Variants in SYN3 observed in about 807,000 individuals in gnomAD.
SYN3 encodes synapsin III.
SYN3 carries 35 observed loss-of-function variants against 65.8 expected under a neutral mutation model. The ratio of observed to expected loss-of-function variants is 0.53; its 90% CI spans 0.41 to 0.70. SYN3 has a LOEUF of 0.70. SYN3 is among the 30% of genes least tolerant of loss of function. The probability of loss-of-function intolerance (pLI) is 0.00; values close to 1 mark genes in which losing one functional copy is unlikely to be tolerated. For synonymous variants in SYN3, 270 were observed against 292.9 expected, an observed-to-expected ratio of 0.92 and a Z score of 0.80; for missense variants, 680 against 749.0, an observed-to-expected ratio of 0.91 and a Z score of 1.08.
intron 6 of SYN3, among the ~76,000 whole-genome samples, chr22:32,652,429 A>G (rs953646743): frequency 9.4e-6 from 1 of 105,964 alleles, no homozygotes; most frequent in African/African-American, 3.3e-5. Flanking sequence ...AAGAAAACAA[A>G]GAAACAAAGT....
intron 7 of SYN3, among the ~76,000 whole-genome samples, chr22:32,553,883 G>A (rs1010755535): frequency 6.6e-6 from 1 of 152,124 alleles, no homozygotes; most frequent in Non-Finnish European, 1.5e-5. Context: ...GACTACAGTT[G>A]GGCTGTATGG....
chr22:32,604,611 AAAAG>A (rs2059340911), intron 6 of SYN3, among the ~76,000 whole-genome samples: 5 of 151,850 alleles, frequency 3.3e-5, no homozygotes, highest in Admixed American at 1.3e-4. Context: ...TCTGTCCCTG[AAAAG>A]CCCTCCCGGG....
chr22:32,786,579 G>A (rs1420828949), intron 6 of SYN3, among the ~76,000 whole-genome samples: 1 of 151,408 alleles, frequency 6.6e-6, no homozygotes, highest in Non-Finnish European at 1.5e-5. Flanking sequence ...AGCCAGGATG[G>A]TCTCGATCTC....
rs537786428 is a variant in SYN3 at position 32,874,232 on chromosome 22, T to C, written c.462-5107A>G. ...CCCCACTGAGCCCAAGACCTGGGTC[T>C]CTCGTGCCTGGGTAAGGTCTCCTTT... On this transcript the variant is annotated intron_variant, in intron 4 of 13. Coordinates refer to ENST00000358763, the MANE Select transcript of SYN3 (RefSeq NM_003490.4). Among the ~76,000 whole-genome samples the C allele has an allele frequency of 1.9e-4, 29 of 152,330 alleles. No individual in the cohort carries two copies. The South Asian group carries it at 5.8e-3, about 30-fold the overall frequency.
intron 6 of SYN3, among the ~76,000 whole-genome samples, chr22:32,783,740 T>C (rs1285041181): frequency 6.6e-6 from 1 of 152,306 alleles, no homozygotes; most frequent in East Asian, 1.9e-4. Context: ...AAACCCCTAA[T>C]CTACCACCTG....
intron 7 of SYN3, among the ~76,000 whole-genome samples, chr22:32,564,930 C>T (rs111916123): frequency 0.039 from 5,664 of 146,450 alleles, 256 homozygotes; most frequent in East Asian, 0.21. Flanking sequence ...ACAGTGCTCC[C>T]GGATTGTACC....
intron 13 of SYN3, among the ~76,000 whole-genome samples, chr22:32,516,551 AT>A (rs1377328568): frequency 6.6e-6 from 1 of 152,046 alleles, no homozygotes; most frequent in Non-Finnish European, 1.5e-5. Flanking sequence ...TTTAGTAGAG[AT>A]GGGGTTTCAC....
intron 6 of SYN3, among the ~76,000 whole-genome samples, chr22:32,774,943 C>T (rs1386728398): frequency 6.6e-6 from 1 of 152,202 alleles, no homozygotes; most frequent in Non-Finnish European, 1.5e-5. Flanking sequence ...TGCTGAGGGC[C>T]TCCGTGGAGC....
intron 6 of SYN3, among the ~76,000 whole-genome samples, chr22:32,725,948 C>T (rs998514927): frequency 6.6e-6 from 1 of 152,134 alleles, no homozygotes; most frequent in Non-Finnish European, 1.5e-5. Context: ...CGTAAAAGCT[C>T]CCCTGAGCAT....
intron 1 of SYN3, among the ~76,000 whole-genome samples, chr22:33,024,137 G>A (rs1378022228): frequency 6.6e-6 from 1 of 152,098 alleles, no homozygotes; most frequent in Non-Finnish European, 1.5e-5. Flanking sequence ...AGGTCTTGTT[G>A]TTTCTCAGAA....
chr22:32,629,169 G>A (rs2051568), intron 6 of SYN3, among the ~76,000 whole-genome samples: 29,269 of 152,116 alleles, frequency 0.19, 3,108 homozygotes, highest in Non-Finnish European at 0.2. Flanking sequence ...GGATTTGAGC[G>A]TGGGATCTGG....
chr22:32,726,436 C>T (rs550948267), intron 6 of SYN3, among the ~76,000 whole-genome samples: 256 of 152,340 alleles, frequency 1.7e-3, no homozygotes, highest in African/African-American at 5.0e-3. Context: ...CCACCACACT[C>T]GGCCCCAGTA....
At chr22:32,990,399 T>G (rs171356) in intron 2 of SYN3, among the ~76,000 whole-genome samples, 111 of 130,756 alleles carry the variant, frequency 8.5e-4, no homozygotes, top group Middle Eastern at 3.6e-3. Flanking sequence ...CATCCATCCA[T>G]CCATCCAGCC....
At chr22:32,627,832 T>G (rs1048334305) in intron 6 of SYN3, among the ~76,000 whole-genome samples, 1 of 143,012 alleles carries the variant, frequency 7.0e-6, no homozygotes, top group Non-Finnish European at 1.5e-5. Context: ...TTGTTTTTGT[T>G]TTTGTTTTTG....
chr22:32,669,152 C>G (rs894488141), intron 6 of SYN3, among the ~76,000 whole-genome samples: 3 of 151,904 alleles, frequency 2.0e-5, no homozygotes, highest in Non-Finnish European at 4.4e-5. Flanking sequence ...GGATTTGAAA[C>G]CGGGTTCTTA....
At chr22:32,822,929 C>CA (rs367976058) in intron 6 of SYN3, among the ~76,000 whole-genome samples, 56 of 25,374 alleles carry the variant, frequency 2.2e-3, no homozygotes, top group Middle Eastern at 0.04. Flanking sequence ...ACAACAACAA[C>CA]AAAAAAAAAA....
At chr22:32,562,684 C>T (rs936683576) in intron 7 of SYN3, among the ~76,000 whole-genome samples, 2 of 152,278 alleles carry the variant, frequency 1.3e-5, no homozygotes, top group African/African-American at 4.8e-5. Context: ...CAGAGCCTCC[C>T]AGGCGAGATT....
intron 1 of SYN3, among the ~76,000 whole-genome samples, chr22:33,054,214 TATCTCCAG>T (rs2054218550): frequency 1.3e-5 from 2 of 152,186 alleles, no homozygotes; most frequent in Non-Finnish European, 1.5e-5. Context: ...GCCATATTTA[TATCTCCAG>T]CCCAGACTCC....
At chr22:32,636,401 C>CAAAAAAAAAA (rs57388108) in intron 6 of SYN3, among the ~76,000 whole-genome samples, 1 of 101,668 alleles carries the variant, frequency 9.8e-6, no homozygotes, top group Non-Finnish European at 2.2e-5. Context: ...GACTCCATCT[C>CAAAAAAAAAA]AAAAAAAAAA....
Sources: gnomAD v4.1 joint callset for allele counts (sites outside exome capture counted in the v4.1 genomes callset) on GRCh38, gnomAD v4.1.1 for gene constraint, MANE v1.5 for transcripts, NCBI Gene and HGNC (gene_info 2026-07-23, HGNC 2026-07-21) for gene names.